TRERF1: variants seen among roughly 807,000 people sequenced by gnomAD.
The protein encoded by TRERF1 is transcriptional regulating factor 1.
A neutral mutation model predicts 122.9 loss-of-function variants in TRERF1; 27 were observed. That is an observed-to-expected ratio of 0.22 (90% CI 0.16 to 0.30). The LOEUF (loss-of-function observed/expected upper bound fraction) is 0.30, where lower values mean the gene tolerates loss of function less well. TRERF1 is among the 10% of genes least tolerant of loss of function. The pLI, the probability that TRERF1 is intolerant of heterozygous loss-of-function variation, is 1.00. For missense variants in TRERF1, 1,248 were observed against 1,560.3 expected, an observed-to-expected ratio of 0.80 and a Z score of 3.37; for synonymous variants, 636 against 641.7, an observed-to-expected ratio of 0.99 and a Z score of 0.13.
intron 2 of TRERF1, among the ~76,000 whole-genome samples, chr6:42,402,274 T>C (rs750248543): frequency 6.6e-6 from 1 of 152,216 alleles, no homozygotes; most frequent in Non-Finnish European, 1.5e-5. Context: ...CAGAGGGCCC[T>C]GTCAGTCCCA....
At chr6:42,262,328 C>T (rs73424331) in intron 8 of TRERF1, among the ~76,000 whole-genome samples, 9,900 of 151,906 alleles carry the variant, frequency 0.065, 662 homozygotes, top group African/African-American at 0.17. Flanking sequence ...TCCTGGATTC[C>T]CAGCAGCTAC....
chr6:42,310,973 G>A (rs1247795805), intron 3 of TRERF1, among the ~76,000 whole-genome samples: 1 of 152,196 alleles, frequency 6.6e-6, no homozygotes. Flanking sequence ...AATTCTGCAT[G>A]TAAACCACAA....
intron 4 of TRERF1, among the ~76,000 whole-genome samples, chr6:42,291,405 A>G (rs184638508): frequency 9.9e-4 from 150 of 151,688 alleles, no homozygotes; most frequent in African/African-American, 3.5e-3. Context: ...TCTAGTGTTT[A>G]GCCATGAACT....
intron 4 of TRERF1, among the ~76,000 whole-genome samples, chr6:42,278,559 G>A (rs1181762234): frequency 6.6e-6 from 1 of 152,210 alleles, no homozygotes; most frequent in East Asian, 1.9e-4. Flanking sequence ...CAGGCTCTGA[G>A]TGGGGCATGC....
intron 16 of TRERF1, among the ~76,000 whole-genome samples, chr6:42,235,405 G>A (rs1156740026): frequency 6.6e-6 from 1 of 152,182 alleles, no homozygotes; most frequent in African/African-American, 2.4e-5. Context: ...AGACCAGCGG[G>A]AGATTGAGAA....
At chr6:42,226,516 C>T (rs555061787) in exon 18 of TRERF1, 2 of 141,338 alleles carry the variant, frequency 1.4e-5, no homozygotes, top group Admixed American at 1.5e-4. Flanking sequence ...ATAGCATAAC[C>T]TTTCTGAAAT....
intron 4 of TRERF1, among the ~76,000 whole-genome samples, chr6:42,284,165 T>C (rs566799234): frequency 1.3e-5 from 2 of 152,316 alleles, no homozygotes; most frequent in South Asian, 4.1e-4. Flanking sequence ...AAAGGAATTG[T>C]AGTGCAGCAT....
chr6:42,387,275 A>T (rs1776963798), intron 2 of TRERF1, among the ~76,000 whole-genome samples: 1 of 152,254 alleles, frequency 6.6e-6, no homozygotes, highest in African/African-American at 2.4e-5. Context: ...AATCTAAGGA[A>T]ATGCAGAAAC....
intron 3 of TRERF1, among the ~76,000 whole-genome samples, chr6:42,313,608 C>A (rs542480725): frequency 1.3e-5 from 2 of 152,126 alleles, no homozygotes; most frequent in East Asian, 1.9e-4. Flanking sequence ...GGGATGTGGG[C>A]CCCAGAACAA....
chr6:42,317,920 G>A (rs545607009), intron 3 of TRERF1, among the ~76,000 whole-genome samples: 229 of 152,244 alleles, frequency 1.5e-3, no homozygotes, highest in Non-Finnish European at 2.8e-3. Flanking sequence ...TCAGGAGGCC[G>A]AGGCAGGCGG....
At chr6:42,322,735 G>A (rs1763651469) in intron 3 of TRERF1, among the ~76,000 whole-genome samples, 1 of 152,224 alleles carries the variant, frequency 6.6e-6, no homozygotes, top group African/African-American at 2.4e-5. Flanking sequence ...CAGTGTTACT[G>A]TAGCCCAATG....
In TRERF1 at chr6:42,254,792, G is replaced by A. The variant is rs776914959; in HGVS notation, c.2656+59C>T. 50 of 1,509,552 alleles carry A rather than the reference G, an allele frequency of 3.3e-5. No homozygotes were observed. In the Admixed American group the frequency reaches 4.7e-4, roughly 14 times the overall value. The allele number at this position is 1,509,552 out of a possible 1,614,324, so 93.5% of individuals were successfully genotyped here. A position where few individuals can be genotyped will look rare whatever the true frequency, so the allele number is the denominator to read the frequency against. On this transcript the variant is annotated intron_variant, in intron 13 of 17. Transcript: ENST00000372922. ...TCCATTGCTAGAAAGTGACACAACCGAACATGCAAGCAGCCCGTCGTCAGG... is the reference window on the plus strand; with the variant it reads ...TCCATTGCTAGAAAGTGACACAACCAAACATGCAAGCAGCCCGTCGTCAGG...
At chr6:42,366,343 G>A (rs1035493485) in intron 2 of TRERF1, among the ~76,000 whole-genome samples, 3 of 152,242 alleles carry the variant, frequency 2.0e-5, no homozygotes, top group South Asian at 4.1e-4. Context: ...CAGGTGATAT[G>A]ATTCCAGAAG....
intron 14 of TRERF1, 72 bp from the exon 15 acceptor site, chr6:42,243,433 A>G (rs554965788): frequency 8.9e-7 from 1 of 1,123,090 alleles, no homozygotes; most frequent in Admixed American, 1.9e-5. Context: ...ATTTTTGAAT[A>G]TTTAATTTTG....
At chr6:42,305,295 G>T (rs184835004) in intron 3 of TRERF1, among the ~76,000 whole-genome samples, 1 of 152,276 alleles carries the variant, frequency 6.6e-6, no homozygotes, top group East Asian at 1.9e-4. Flanking sequence ...CTGGAGGGTT[G>T]TGTGACTTTC....
At chr6:42,386,451 G>GAGAA (rs113963941) in intron 2 of TRERF1, among the ~76,000 whole-genome samples, 11 of 152,106 alleles carry the variant, frequency 7.2e-5, no homozygotes, top group African/African-American at 1.7e-4. Flanking sequence ...TCAAAAAAAG[G>GAGAA]AGAAAGAAAG....
At chr6:42,317,255 G>A (rs946303359) in intron 3 of TRERF1, among the ~76,000 whole-genome samples, 2 of 151,950 alleles carry the variant, frequency 1.3e-5, no homozygotes, top group Non-Finnish European at 2.9e-5. Context: ...ACAATACTGT[G>A]GTCTCAGTGA....
At chr6:42,436,172 T>A (rs1399933260) in intron 2 of TRERF1, among the ~76,000 whole-genome samples, 1 of 151,690 alleles carries the variant, frequency 6.6e-6, no homozygotes, top group Non-Finnish European at 1.5e-5. Flanking sequence ...TTCGAGACCA[T>A]CCTGGCTAAC....
chr6:42,354,142 T>C (rs573653832), intron 3 of TRERF1, among the ~76,000 whole-genome samples: 6 of 152,246 alleles, frequency 3.9e-5, no homozygotes, highest in Admixed American at 3.3e-4. Context: ...CCAGCTGCCT[T>C]GGAGGGTGAT....
Sources: allele counts gnomAD v4.1 joint callset (sites outside exome capture counted in the v4.1 genomes callset), GRCh38; gene constraint gnomAD v4.1.1; transcripts MANE v1.5; gene names NCBI Gene and HGNC (gene_info 2026-07-23, HGNC 2026-07-21).